Variants in FOXN3 observed in about 807,000 individuals in gnomAD.
FOXN3 encodes the protein forkhead box N3.
FOXN3 carries 7 observed loss-of-function variants against 38.4 expected under a neutral mutation model. That is an observed-to-expected ratio of 0.18 (90% CI 0.10 to 0.34). FOXN3 has a LOEUF of 0.34. FOXN3 is among the 10% of genes least tolerant of loss of function. FOXN3 has a pLI of 1.00. For missense variants in FOXN3, 456 were observed against 613.4 expected (o/e 0.74, Z 2.71); for synonymous variants, 230 against 242.2 (o/e 0.95, Z 0.47).
intron 4 of FOXN3, among the ~76,000 whole-genome samples, chr14:89,190,797 T>C (rs939994777): frequency 6.6e-6 from 1 of 152,142 alleles, no homozygotes; most frequent in Non-Finnish European, 1.5e-5. Context: ...TCAGTGACAA[T>C]AGGAAGTTCA....
intron 1 of FOXN3, among the ~76,000 whole-genome samples, chr14:89,510,977 C>T (rs1566680670): frequency 6.6e-6 from 1 of 151,828 alleles, no homozygotes; most frequent in African/African-American, 2.4e-5. Flanking sequence ...TTCATCACCC[C>T]CTGCCTTTTC....
At chr14:89,208,018 G>T (rs764294370) in intron 4 of FOXN3, among the ~76,000 whole-genome samples, 22 of 152,168 alleles carry the variant, frequency 1.4e-4, no homozygotes, top group Non-Finnish European at 2.2e-4. Flanking sequence ...CTATGCGGGA[G>T]GGGACAGACA....
chr14:89,175,295 G>A (rs1324730367), intron 5 of FOXN3, among the ~76,000 whole-genome samples: 1 of 152,144 alleles, frequency 6.6e-6, no homozygotes, highest in African/African-American at 2.4e-5. Flanking sequence ...ATATAATTTG[G>A]CAACAAATAG....
chr14:89,202,279 C>T (rs1888255050), intron 4 of FOXN3, among the ~76,000 whole-genome samples: 2 of 152,182 alleles, frequency 1.3e-5, no homozygotes, highest in African/African-American at 4.8e-5. Context: ...ACACCTGACA[C>T]CTGCCTCTCA....
At chr14:89,392,845 C>T (rs1268751504) in intron 2 of FOXN3, among the ~76,000 whole-genome samples, 1 of 146,932 alleles carries the variant, frequency 6.8e-6, no homozygotes, top group East Asian at 2.0e-4. Flanking sequence ...CTCGCTCTGT[C>T]GCCCAGGCTG....
Position 89,350,672 on chromosome 14 carries a change from CT to C in FOXN3, c.679del (p.Ser227AlafsTer27). The C allele has an allele frequency of 6.5e-7, 1 of 1,529,002 alleles. No individual in the cohort carries two copies. Among genetic ancestry groups the C allele is most frequent in the Non-Finnish European group, 8.7e-7 (1 of 1,145,314 alleles). 94.7% of individuals were successfully genotyped at this position (1,529,002 alleles called of 1,614,324 possible). ...TPPTCPQAYQ[S>X]TSGPPIWPGS... ...AAAAAAAGAAGTCTGAATTGCTTAC[CT>C]TTGATATGCCTGAGGACAGGTGGGA... is the stretch of plus-strand genomic sequence containing the variant. On this transcript the variant is annotated frameshift_variant and splice_region_variant, in exon 3 of 6. Coordinates refer to ENST00000557258, the MANE Select transcript of FOXN3 (RefSeq NM_005197.4). LOFTEE classifies it high-confidence loss of function.
intron 1 of FOXN3, among the ~76,000 whole-genome samples, chr14:89,541,918 A>G (rs769970077): frequency 1.3e-5 from 2 of 152,150 alleles, no homozygotes; most frequent in Non-Finnish European, 2.9e-5. Flanking sequence ...TTCTAAGATT[A>G]CTCAGGAAAA....
At position 89,479,323 on chromosome 14, in the gene FOXN3, C is replaced by CT. The variant is rs565255702; in HGVS notation, c.-14-66834dup. ...CTTTATACCCTCTCTCTCGGGAGCC[C>CT]TAACTTCAGCCCCCAGGCCTTGGCA... On this transcript the variant is annotated intron_variant, in intron 1 of 6. Coordinates refer to the FOXN3 transcript ENST00000345097. Among the ~76,000 whole-genome samples the CT allele has an allele frequency of 2.0e-3, 300 of 152,298 alleles. 1 individual carries two copies. The highest frequency in any genetic ancestry group is 6.8e-3 in the African/African-American group (284 of 41,570).
rs1239931006 is a variant in FOXN3 at position 89,162,707 on chromosome 14, C to G, written c.1114G>C (p.Glu372Gln). 7 of 1,614,024 alleles carry G rather than the reference C, an allele frequency of 4.3e-6. No homozygotes were observed. Among genetic ancestry groups the G allele is most frequent in the Non-Finnish European group, 5.1e-6 (6 of 1,179,990 alleles). Residue 372 changes from glutamate to glutamine, a missense_variant, in exon 6 of 6, where the codon GAA becomes CAA. Transcript: ENST00000557258. The surrounding 1 kb of genome is among the most constrained non-coding windows in gnomAD (Gnocchi z 7.2). Reference sequence around the variant, plus strand: ...TGGCTGTGCTTCCTGTCGTCCTCTTCCGTGTCGCTGGGGCTCTCGTGGCTC... The same window carrying G: ...TGGCTGTGCTTCCTGTCGTCCTCTTGCGTGTCGCTGGGGCTCTCGTGGCTC... ...FRSHESPSDT[E>Q]EDDRKHSQKE...
At chr14:89,479,854 T>G (rs1566670355) in intron 1 of FOXN3, among the ~76,000 whole-genome samples, 1 of 152,174 alleles carries the variant, frequency 6.6e-6, no homozygotes, top group Non-Finnish European at 1.5e-5. Context: ...CCTAGAGCCA[T>G]TACCAAAGGT....
chr14:89,387,854 C>T (rs1160482581), intron 2 of FOXN3, among the ~76,000 whole-genome samples: 5 of 152,180 alleles, frequency 3.3e-5, no homozygotes, highest in African/African-American at 1.2e-4. Flanking sequence ...CTGCGTCTAG[C>T]AGCGGCACAC....
intron 1 of FOXN3, among the ~76,000 whole-genome samples, chr14:89,584,048 T>C (rs1441456678): frequency 6.9e-6 from 1 of 144,048 alleles, no homozygotes; most frequent in Admixed American, 6.8e-5. Context: ...TCAGTAGAGA[T>C]GGGGTTTCAC....
chr14:89,314,938 T>C (rs1887677589), intron 3 of FOXN3, among the ~76,000 whole-genome samples: 1 of 152,134 alleles, frequency 6.6e-6, no homozygotes. Context: ...AGAATGGAAA[T>C]TTCTTTCTTG....
chr14:89,360,716 T>TACCTCCACCACTACCACCTCCAGCACC (rs1889459374), intron 2 of FOXN3, among the ~76,000 whole-genome samples: 1 of 93,260 alleles, frequency 1.1e-5, no homozygotes, highest in Non-Finnish European at 2.3e-5. Context: ...CCTCCAGCAC[T>TACCTCCACCACTACCACCTCCAGCACC]ACCTCCACCA....
intron 1 of FOXN3, among the ~76,000 whole-genome samples, chr14:89,611,467 G>A (rs781413580): frequency 3.3e-5 from 5 of 152,192 alleles, no homozygotes; most frequent in Non-Finnish European, 5.9e-5. Context: ...AGGTAAACGT[G>A]CTCAGGGATG....
chr14:89,292,997 G>A (rs17125619), intron 3 of FOXN3, among the ~76,000 whole-genome samples: 3,945 of 152,252 alleles, frequency 0.026, 153 homozygotes, highest in African/African-American at 0.088. Flanking sequence ...TCTTCTTGCC[G>A]GACAGTCGGC....
chr14:89,272,183 G>A (rs565250256), intron 4 of FOXN3, among the ~76,000 whole-genome samples: 12 of 152,032 alleles, frequency 7.9e-5, no homozygotes, highest in South Asian at 2.1e-4. Flanking sequence ...GTGGTGGCAC[G>A]CGTCTCTAAT....
chr14:89,323,549 TCTCTA>T (rs1469843214), intron 3 of FOXN3, among the ~76,000 whole-genome samples: 4 of 151,502 alleles, frequency 2.6e-5, no homozygotes, highest in Admixed American at 2.0e-4. Flanking sequence ...TGAAACCCCG[TCTCTA>T]CTAAAAATAC....
chr14:89,448,033 C>T (rs1032116943), intron 1 of FOXN3, among the ~76,000 whole-genome samples: 3 of 151,730 alleles, frequency 2.0e-5, no homozygotes. Context: ...AGGCTGGTCT[C>T]GAACTCCTGA....
Sources: allele counts gnomAD v4.1 joint callset (sites outside exome capture counted in the v4.1 genomes callset), GRCh38; gene constraint gnomAD v4.1.1; non-coding constraint Gnocchi (gnomAD v3.1); transcripts MANE v1.5; gene names NCBI Gene and HGNC (gene_info 2026-07-23, HGNC 2026-07-21).